Variants in PIEZO2 observed in about 807,000 individuals in gnomAD.
PIEZO2 encodes the protein piezo type mechanosensitive ion channel component 2.
A neutral mutation model predicts 337.3 loss-of-function variants in PIEZO2; 172 were observed. That is an observed-to-expected ratio of 0.51 (90% CI 0.45 to 0.58). PIEZO2 has a LOEUF of 0.58. PIEZO2 is among the 20% of genes least tolerant of loss of function. PIEZO2 has a pLI of 0.00. For synonymous variants in PIEZO2, 1,251 were observed against 1,228.5 expected (o/e 1.02, Z -0.38); for missense variants, 3,028 against 3,391.3 (o/e 0.89, Z 2.66).
rs2146211102 is a variant in PIEZO2 at position 11,125,240 on chromosome 18, C to A, written c.64+23285G>T. Among the ~76,000 whole-genome samples the A allele has an allele frequency of 6.6e-6, 1 of 152,244 alleles. No homozygotes were observed. The highest frequency in any genetic ancestry group is 2.1e-4 in the South Asian group (1 of 4,812). On this transcript the variant is annotated intron_variant, in intron 1 of 55. Transcript: ENST00000674853. This position sits in a 1 kb window ranked among gnomAD's most constrained non-coding sequence, Gnocchi z 4.4. ...GGGGATACTGCAATAAGCAAGAAAA[C>A]CATTATAAGCCCTCTTGAGCTGATA...
chr18:11,129,010 G>C lies in PIEZO2; in HGVS notation c.64+19515C>G, dbSNP rs1317259417. On this transcript the variant is annotated intron_variant, in intron 1 of 55. Transcript: ENST00000674853. This position sits in a 1 kb window ranked among gnomAD's most constrained non-coding sequence, Gnocchi z 4.6. ...AAAGGTTCTAATAGTTTATTTGCTT[G>C]GTTGGTTAAAATGTGGATTAAAAGA... Among the ~76,000 whole-genome samples, 1 of 152,152 alleles carries C rather than the reference G, an allele frequency of 6.6e-6. No individual in the cohort carries two copies. Among genetic ancestry groups the C allele is most frequent in the African/African-American group, 2.4e-5 (1 of 41,436 alleles).
In PIEZO2 at chr18:10,781,142, C is replaced by T. The variant is rs2038967020; in HGVS notation, c.2493-776G>A. 6.6e-6 allele frequency among the ~76,000 whole-genome samples: 1 copy of T among 151,864 alleles called. No individual in the cohort carries two copies. Among genetic ancestry groups the T allele is most frequent in the Non-Finnish European group, 1.5e-5 (1 of 68,008 alleles). ...ATTTCTCTATGCATAATAATACTTT[C>T]TAAAACAAACCTGCATAAATTAAAG... is the stretch of plus-strand genomic sequence containing the variant. On this transcript the variant is annotated intron_variant, in intron 17 of 55. Transcript: ENST00000674853. This position sits in a 1 kb window ranked among gnomAD's most constrained non-coding sequence, Gnocchi z 4.1.
At position 10,682,088 on chromosome 18, in the gene PIEZO2, T is replaced by G; in HGVS notation, c.7686+16A>C. 1.3e-6 allele frequency: 2 copies of G among 1,528,796 alleles called. No individual in the cohort carries two copies. The highest frequency in any genetic ancestry group is 1.8e-6 in the Non-Finnish European group (2 of 1,142,170). The allele number at this position is 1,528,796 out of a possible 1,614,324, so 94.7% of individuals were successfully genotyped here. On this transcript the variant is annotated intron_variant, in intron 50 of 55. Transcript: ENST00000674853. This position sits in a 1 kb window ranked among gnomAD's most constrained non-coding sequence, Gnocchi z 5.6. ...TGGGGCAAGGCTCTGGTAGGTGGGG[T>G]GTGCACAGAGATCACCTGATACCCT... is the stretch of plus-strand genomic sequence containing the variant.
intron 7 of PIEZO2, among the ~76,000 whole-genome samples, chr18:10,817,048 C>T (rs2040385555): frequency 6.6e-6 from 1 of 152,108 alleles, no homozygotes; most frequent in African/African-American, 2.4e-5. Flanking sequence ...TGGGCCCCAC[C>T]CAATACCTAC....
At chr18:10,957,393 C>G (rs1186656447) in intron 3 of PIEZO2, among the ~76,000 whole-genome samples, 1 of 115,088 alleles carries the variant, frequency 8.7e-6, no homozygotes, top group Non-Finnish European at 1.9e-5. Context: ...ACTCTTGTCT[C>G]AAAACAAACC....
rs1033818196 is a variant in PIEZO2, at chr18:10,680,859, T to TA, written c.7780-489dup. Among the ~76,000 whole-genome samples, 138 of 151,550 alleles carry TA rather than the reference T, an allele frequency of 9.1e-4. 2 individuals carry two copies. Among genetic ancestry groups the TA allele is most frequent in the African/African-American group, 3.1e-3 (129 of 41,328 alleles). ...TCTCCTTCCTATTCACTCTCTTAAA[T>TA]AAAAAAAAATTATTTATAAGACAAA... On this transcript the variant is annotated intron_variant, in intron 51 of 55. Transcript: ENST00000674853.
At chr18:10,689,879 G>T in intron 48 of PIEZO2, 77 bp from the exon 49 acceptor site, 1 of 1,511,370 alleles carries the variant, frequency 6.6e-7, no homozygotes, top group Non-Finnish European at 8.9e-7. Context: ...AGCTCAAGCA[G>T]TTCCTTAACT....
chr18:11,148,449 A>G lies in PIEZO2; in HGVS notation c.64+76T>C, dbSNP rs1017711131. On this transcript the variant is annotated intron_variant, in intron 1 of 55. Coordinates refer to ENST00000674853, the MANE Select transcript of PIEZO2 (RefSeq NM_001378183.1). The surrounding 1 kb of genome is among the most constrained non-coding windows in gnomAD (Gnocchi z 5.2). ...GAACCCCAGAGCACCAGAGCCCTTC[A>G]CTTTGTTAAGAAGTCCCCCACCCAG... is the stretch of plus-strand genomic sequence containing the variant. 1.1e-5 allele frequency: 16 copies of G among 1,472,094 alleles called. No homozygotes were observed. Among genetic ancestry groups the G allele is most frequent in the Admixed American group, 2.0e-5 (1 of 50,710 alleles). The allele number at this position is 1,472,094 out of a possible 1,614,324, so 91.2% of individuals were successfully genotyped here.
chr18:10,927,737 C>T (rs2031834019), intron 3 of PIEZO2, among the ~76,000 whole-genome samples: 2 of 152,098 alleles, frequency 1.3e-5, no homozygotes, highest in South Asian at 4.1e-4. Context: ...AGACAAACTA[C>T]AGAATTTTCC....
At chr18:10,897,368 T>C (rs1248108939) in intron 4 of PIEZO2, among the ~76,000 whole-genome samples, 1 of 152,156 alleles carries the variant, frequency 6.6e-6, no homozygotes, top group Non-Finnish European at 1.5e-5. Context: ...TTTGTATTTT[T>C]AGTAGAGACG....
At chr18:10,959,724 C>G (rs1402855428) in intron 3 of PIEZO2, among the ~76,000 whole-genome samples, 4 of 152,088 alleles carry the variant, frequency 2.6e-5, no homozygotes, top group Non-Finnish European at 5.9e-5. Context: ...ATTTTCAGAC[C>G]TAGACAAAAT....
Position 10,801,547 on chromosome 18 carries a change from T to C in PIEZO2, c.1201-119A>G, listed in dbSNP as rs546409614. 22 of 839,270 alleles carry C rather than the reference T, an allele frequency of 2.6e-5. No homozygotes were observed. In the African/African-American group the frequency reaches 3.4e-4, roughly 13 times the overall value. 52.0% of individuals were successfully genotyped at this position (839,270 alleles called of 1,614,324 possible). On this transcript the variant is annotated intron_variant, in intron 9 of 55. Transcript: ENST00000674853. ...TTCTCTTTAACTTGCTGATTGCTAG[T>C]ATATTAATATTGCCATGCAAAATAT...
rs1285367690 is a variant in PIEZO2, at chr18:10,853,736, T to G, written c.917+1617A>C. ...TCCTATGTATGTATGTATCTATCAATCTATTATGTTGGTTGTTAAGCCATT... is the reference window on the plus strand; with the variant it reads ...TCCTATGTATGTATGTATCTATCAAGCTATTATGTTGGTTGTTAAGCCATT... On this transcript the variant is annotated intron_variant, in intron 7 of 55. Transcript: ENST00000674853. The surrounding 1 kb of genome is among the most constrained non-coding windows in gnomAD (Gnocchi z 4.2). Among the ~76,000 whole-genome samples, 2 of 152,228 alleles carry G rather than the reference T, an allele frequency of 1.3e-5. No individual in the cohort carries two copies. Among genetic ancestry groups the G allele is most frequent in the Non-Finnish European group, 2.9e-5 (2 of 68,048 alleles).
rs1475009485 is a variant in PIEZO2 at position 11,101,665 on chromosome 18, G to C, written c.65-35443C>G. Among the ~76,000 whole-genome samples, 1 of 152,184 alleles carries C rather than the reference G, an allele frequency of 6.6e-6. No individual in the cohort carries two copies. The highest frequency in any genetic ancestry group is 1.9e-4 in the East Asian group (1 of 5,198). On this transcript the variant is annotated intron_variant, in intron 1 of 55. Transcript: ENST00000674853. The surrounding 1 kb of genome is among the most constrained non-coding windows in gnomAD (Gnocchi z 4.4). The stretch of plus-strand genomic sequence containing the variant: ...GTCAATTTGAAAAACCGATGACTAT[G>C]TTCAGTGTTTATATCCTCACAGAGA...
chr18:11,089,480 G>T (rs1205466512), intron 1 of PIEZO2, among the ~76,000 whole-genome samples: 1 of 152,098 alleles, frequency 6.6e-6, no homozygotes, highest in Non-Finnish European at 1.5e-5. Context: ...CCAAACTCTT[G>T]AAATTTGTTT....
chr18:11,090,807 G>C (rs2039055577), intron 1 of PIEZO2, among the ~76,000 whole-genome samples: 1 of 148,600 alleles, frequency 6.7e-6, no homozygotes, highest in Non-Finnish European at 1.5e-5. Context: ...CAGCTACACG[G>C]GAGGCTGAGG....
rs574616758 is a variant in PIEZO2, at chr18:10,971,872, T to C, written c.286+7663A>G. On this transcript the variant is annotated intron_variant, in intron 3 of 55. Transcript: ENST00000674853. ...CTGTGTAGTCCAGGAGACCTAAATT[T>C]AATTCTGGCTCTGTTACTCACTAAT... Among the ~76,000 whole-genome samples, 40 of 152,272 alleles carry C rather than the reference T, an allele frequency of 2.6e-4. No individual in the cohort carries two copies. The South Asian group carries it at 4.2e-3, about 16-fold the overall frequency.
At chr18:10,740,711 C>T in intron 33 of PIEZO2, 1 of 482,328 alleles carries the variant, frequency 2.1e-6, no homozygotes, top group Non-Finnish European at 3.8e-6. Flanking sequence ...GGGCTCTCGA[C>T]CTCAGAATTG....
At chr18:10,685,835 G>A (rs916011323) in intron 49 of PIEZO2, among the ~76,000 whole-genome samples, 5 of 152,134 alleles carry the variant, frequency 3.3e-5, no homozygotes, top group African/African-American at 1.2e-4. Flanking sequence ...TCTCAGCAGA[G>A]GAGCTCCCCC....
Sources: allele counts gnomAD v4.1 joint callset (sites outside exome capture counted in the v4.1 genomes callset), GRCh38; gene constraint gnomAD v4.1.1; non-coding constraint Gnocchi (gnomAD v3.1); transcripts MANE v1.5; gene names NCBI Gene and HGNC (gene_info 2026-07-23, HGNC 2026-07-21).